Variants in COP1 observed in about 807,000 individuals in gnomAD.
COP1 encodes COP1 E3 ubiquitin ligase.
COP1 carries 24 observed loss-of-function variants against 101.3 expected under a neutral mutation model. The observed-to-expected ratio is 0.24, with a 90% confidence interval of 0.17 to 0.33. The LOEUF is 0.33. Among genes scored for constraint, COP1 ranks in the 10% least tolerant of loss-of-function variants. The probability of loss-of-function intolerance (pLI) is 1.00; values close to 1 mark genes in which losing one functional copy is unlikely to be tolerated. For missense variants in COP1, 663 were observed against 906.2 expected (o/e 0.73, Z 3.45); for synonymous variants, 347 against 341.9 (o/e 1.01, Z -0.17).
In COP1 at chr1:176,184,619, T is replaced by A. The variant is rs78118911; in HGVS notation, c.467+14A>T. The stretch of plus-strand genomic sequence containing the variant: ...AATGTTAAAAGATTATTTTACTCAA[T>A]AGAATTGTCTTACCAAAAGCTGTGG... On this transcript the variant is annotated intron_variant, in intron 2 of 19. Coordinates refer to ENST00000367669, the MANE Select transcript of COP1 (RefSeq NM_022457.7). 1 of 1,584,628 alleles carries A rather than the reference T, an allele frequency of 6.3e-7. No individual in the cohort carries two copies. The highest frequency in any genetic ancestry group is 2.2e-5 in the East Asian group (1 of 44,508).
intron 11 of COP1, among the ~76,000 whole-genome samples, chr1:176,071,977 A>C (rs1187177817): frequency 4.6e-5 from 7 of 152,238 alleles, no homozygotes; most frequent in Non-Finnish European, 1.0e-4. Context: ...TTAGGGTAGA[A>C]GTTATGAGGG....
chr1:175,959,330 A>T (rs560760248), intron 18 of COP1, among the ~76,000 whole-genome samples: 7 of 152,154 alleles, frequency 4.6e-5, no homozygotes, highest in African/African-American at 1.4e-4. Context: ...TATCTACAAA[A>T]CTCTTACAGC....
At chr1:175,955,801 C>CACACACACACACACACACACACA (rs1553275345) in intron 18 of COP1, among the ~76,000 whole-genome samples, 2 of 150,972 alleles carry the variant, frequency 1.3e-5, no homozygotes, top group Non-Finnish European at 3.0e-5. Flanking sequence ...CACACACACA[C>CACACACACACACACACACACACA]GGCCTACATA....
chr1:175,947,317 CCTT>C (rs1445569239), intron 18 of COP1, 78 bp from the exon 19 acceptor site: 8 of 941,386 alleles, frequency 8.5e-6, no homozygotes, highest in South Asian at 2.7e-5. Context: ...TCCTCTTCAT[CCTT>C]CTTTCTTCAC....
intron 15 of COP1, among the ~76,000 whole-genome samples, chr1:176,022,033 T>C (rs1270861704): frequency 1.3e-5 from 2 of 152,208 alleles, no homozygotes; most frequent in African/African-American, 4.8e-5. Context: ...TGAATTATCT[T>C]AGCATTTTCA....
chr1:176,207,069 T>C lies in COP1; in HGVS notation c.-91A>G. Reference sequence around the variant, plus strand: ...CTCCCCTCCCCTCAGCCTCAGTGCATCCTGAGGACGCCCGCCGAGCCGGAG... The same window carrying C: ...CTCCCCTCCCCTCAGCCTCAGTGCACCCTGAGGACGCCCGCCGAGCCGGAG... On this transcript the variant is annotated 5_prime_UTR_variant, in exon 1 of 20. It removes an upstream start codon present in the reference 5' UTR. Transcript: ENST00000367669. 9.3e-7 allele frequency: 1 copy of C among 1,072,576 alleles called. No individual in the cohort carries two copies. The highest frequency in any genetic ancestry group is 1.2e-6 in the Non-Finnish European group (1 of 818,614). 66.4% of individuals were successfully genotyped at this position (1,072,576 alleles called of 1,614,324 possible).
intron 3 of COP1, among the ~76,000 whole-genome samples, chr1:176,173,338 A>AC (rs201896953): frequency 0.054 from 8,055 of 149,540 alleles, 565 homozygotes; most frequent in African/African-American, 0.14. Context: ...AAAAAAAAAA[A>AC]AAAAAACCAG....
Position 175,944,921 on chromosome 1 carries a change from A to T in COP1, c.*232T>A. ...ACAAAAATTAGATAACACCACCAAG[A>T]GCAGCAATGTCCATGGAGTTACATT... On this transcript the variant is annotated 3_prime_UTR_variant, in exon 20 of 20. Coordinates refer to ENST00000367669, the MANE Select transcript of COP1 (RefSeq NM_022457.7). The T allele has an allele frequency of 2.2e-6, 1 of 456,420 alleles. No individual in the cohort carries two copies. Among genetic ancestry groups the T allele is most frequent in the Non-Finnish European group, 3.9e-6 (1 of 253,530 alleles). The allele number at this position is 456,420 out of a possible 1,614,324, so 28.3% of individuals were successfully genotyped here.
intron 12 of COP1, among the ~76,000 whole-genome samples, chr1:176,044,799 C>A (rs1159373254): frequency 6.6e-6 from 1 of 152,114 alleles, no homozygotes; most frequent in Non-Finnish European, 1.5e-5. Flanking sequence ...CAGCCTTGAG[C>A]GCTTTCACCA....
chr1:175,968,904 A>C (rs994929357), intron 18 of COP1, among the ~76,000 whole-genome samples: 62 of 152,352 alleles, frequency 4.1e-4, no homozygotes, highest in Non-Finnish European at 7.3e-4. Flanking sequence ...TTAACAGTTA[A>C]TATCTCTGGA....
chr1:176,059,266 A>C (rs1431347998), intron 11 of COP1, among the ~76,000 whole-genome samples: 2 of 152,162 alleles, frequency 1.3e-5, no homozygotes, highest in Non-Finnish European at 2.9e-5. Flanking sequence ...TCTCCCTCTT[A>C]AGCATTGTGA....
intron 5 of COP1, among the ~76,000 whole-genome samples, chr1:176,150,261 T>C (rs1229454546): frequency 6.6e-6 from 1 of 152,192 alleles, no homozygotes; most frequent in African/African-American, 2.4e-5. Flanking sequence ...CAACGTAATT[T>C]ACAAGTCAAG....
chr1:176,112,002 T>C lies in COP1; in HGVS notation c.1026+4622A>G, dbSNP rs190185653. Among the ~76,000 whole-genome samples the C allele has an allele frequency of 6.7e-3, 1,014 of 152,338 alleles. 9 individuals are homozygous for C. Among genetic ancestry groups the C allele is most frequent in the African/African-American group, 0.023 (962 of 41,588 alleles). On this transcript the variant is annotated intron_variant, in intron 9 of 19. Transcript: ENST00000367669. Reference sequence around the variant, plus strand: ...TTAATCCTTAAGCACACATGTACCATGCATACAGTGAATCAGAGATTAGTC... The same window carrying C: ...TTAATCCTTAAGCACACATGTACCACGCATACAGTGAATCAGAGATTAGTC...
At chr1:176,007,136 C>A (rs528204254) in intron 15 of COP1, among the ~76,000 whole-genome samples, 57 of 152,270 alleles carry the variant, frequency 3.7e-4, no homozygotes, top group Non-Finnish European at 7.1e-4. Context: ...TTGATCGCAT[C>A]GGCTCCTGAG....
chr1:176,109,892 A>G (rs1684980308), intron 9 of COP1, among the ~76,000 whole-genome samples: 1 of 152,214 alleles, frequency 6.6e-6, no homozygotes, highest in Admixed American at 6.5e-5. Flanking sequence ...TGGATAAATA[A>G]TAAGTTCATT....
At chr1:176,085,994 A>C (rs1680063228) in intron 9 of COP1, 104 bp from the exon 10 acceptor site, 2 of 555,528 alleles carry the variant, frequency 3.6e-6, no homozygotes, top group African/African-American at 3.7e-5. Context: ...TCATCACAGT[A>C]AAATGATCAC....
intron 5 of COP1, among the ~76,000 whole-genome samples, chr1:176,156,735 T>C (rs369753586): frequency 2.6e-5 from 4 of 152,270 alleles, no homozygotes; most frequent in East Asian, 3.9e-4. Flanking sequence ...AAGGAGATGA[T>C]TCATCCAGAA....
At chr1:176,161,655 C>T (rs1203035411) in intron 5 of COP1, among the ~76,000 whole-genome samples, 1 of 152,034 alleles carries the variant, frequency 6.6e-6, no homozygotes, top group African/African-American at 2.4e-5. Flanking sequence ...AAAATACCTG[C>T]TTTACTGATT....
At chr1:176,113,640 A>ATATG (rs1685668204) in intron 9 of COP1, among the ~76,000 whole-genome samples, 1 of 152,194 alleles carries the variant, frequency 6.6e-6, no homozygotes, top group East Asian at 1.9e-4. Flanking sequence ...AGACCAATTA[A>ATATG]AAAAACACCT....
Sources: allele counts gnomAD v4.1 joint callset (sites outside exome capture counted in the v4.1 genomes callset), GRCh38; gene constraint gnomAD v4.1.1; transcripts MANE v1.5; gene names NCBI Gene and HGNC (gene_info 2026-07-23, HGNC 2026-07-21).